EFNA5: variants seen among roughly 807,000 people sequenced by gnomAD.
The protein encoded by EFNA5 is ephrin-A5.
EFNA5 carries 5 observed loss-of-function variants against 22.9 expected under a neutral mutation model. That is an observed-to-expected ratio of 0.22 (90% CI 0.11 to 0.46). EFNA5 has a LOEUF of 0.46. Ranked by LOEUF, EFNA5 falls within the 20% of genes least tolerant of loss-of-function variation. The pLI, the probability that EFNA5 is intolerant of heterozygous loss-of-function variation, is 0.99. For missense variants in EFNA5, 237 were observed against 293.3 expected, an observed-to-expected ratio of 0.81 and a Z score of 1.40; for synonymous variants, 113 against 112.2, an observed-to-expected ratio of 1.01 and a Z score of -0.04.
intron 1 of EFNA5, among the ~76,000 whole-genome samples, chr5:107,496,336 C>CAAAAAAAAAAAAAAA (rs77916124): frequency 1.4e-4 from 11 of 79,818 alleles, no homozygotes; most frequent in East Asian, 4.5e-4. Context: ...AATTCCATCT[C>CAAAAAAAAAAAAAAA]AAAAAAAAAA....
chr5:107,426,950 G>A (rs867832125), intron 2 of EFNA5: 6 of 375,570 alleles, frequency 1.6e-5, no homozygotes, highest in Non-Finnish European at 2.9e-5. Flanking sequence ...AGAAGTCCTG[G>A]CAATTTTCAT....
At chr5:107,493,935 G>C (rs1423725289) in intron 1 of EFNA5, among the ~76,000 whole-genome samples, 1 of 152,326 alleles carries the variant, frequency 6.6e-6, no homozygotes, top group Admixed American at 6.5e-5. Flanking sequence ...TGTTAGTGTG[G>C]AGGCTGAAAC....
At chr5:107,466,258 T>C (rs574641983) in intron 1 of EFNA5, among the ~76,000 whole-genome samples, 2 of 152,236 alleles carry the variant, frequency 1.3e-5, no homozygotes, top group Non-Finnish European at 2.9e-5. Context: ...TCATAAGTCG[T>C]GTTAAGCCAT....
At chr5:107,503,279 C>T (rs1370359280) in intron 1 of EFNA5, among the ~76,000 whole-genome samples, 2 of 152,142 alleles carry the variant, frequency 1.3e-5, no homozygotes, top group Non-Finnish European at 2.9e-5. Context: ...CAAAATACTA[C>T]CTGATGTTTT....
At chr5:107,432,649 T>C (rs1748993037) in intron 1 of EFNA5, among the ~76,000 whole-genome samples, 1 of 152,208 alleles carries the variant, frequency 6.6e-6, no homozygotes, top group Non-Finnish European at 1.5e-5. Flanking sequence ...GTCAAACAAT[T>C]ACGGCCCTGC....
At position 107,381,149 on chromosome 5, in the gene EFNA5, T is replaced by A. The variant is rs965125771; in HGVS notation, c.*106A>T. On this transcript the variant is annotated 3_prime_UTR_variant, in exon 5 of 5. Coordinates refer to ENST00000333274, the MANE Select transcript of EFNA5 (RefSeq NM_001962.3). ...AGAAAGAAAACAAAAATCTGACATC[T>A]GCCAAAACCCAATAACAAGTCCCTT... 15 of 1,426,398 alleles carry A rather than the reference T, an allele frequency of 1.1e-5. No homozygotes were observed. Among genetic ancestry groups the A allele is most frequent in the Non-Finnish European group, 7.5e-6 (8 of 1,068,950 alleles). 88.4% of individuals were successfully genotyped at this position (1,426,398 alleles called of 1,614,324 possible). A position where few individuals can be genotyped will look rare whatever the true frequency, so the allele number is the denominator to read the frequency against.
chr5:107,529,846 G>C (rs982667580), intron 1 of EFNA5, among the ~76,000 whole-genome samples: 2 of 152,124 alleles, frequency 1.3e-5, no homozygotes, highest in African/African-American at 4.8e-5. Flanking sequence ...GGGAGCCTAG[G>C]CTAAGACAGC....
At chr5:107,564,639 T>TTG (rs1219519058) in intron 1 of EFNA5, among the ~76,000 whole-genome samples, 4 of 149,720 alleles carry the variant, frequency 2.7e-5, no homozygotes, top group African/African-American at 7.3e-5. Context: ...TTGTTTTTTT[T>TTG]TTTTTTTTTT....
chr5:107,556,366 T>C (rs1673982985), intron 1 of EFNA5, among the ~76,000 whole-genome samples: 1 of 152,194 alleles, frequency 6.6e-6, no homozygotes, highest in Admixed American at 6.5e-5. Flanking sequence ...CACAAGTTAT[T>C]TGGCAACAAA....
At chr5:107,532,508 C>A (rs1020283726) in intron 1 of EFNA5, among the ~76,000 whole-genome samples, 1 of 152,184 alleles carries the variant, frequency 6.6e-6, no homozygotes, top group Non-Finnish European at 1.5e-5. Context: ...TGAGTAGTGG[C>A]AAGACAGATG....
At chr5:107,477,401 G>A (rs1750340299) in intron 1 of EFNA5, among the ~76,000 whole-genome samples, 2 of 152,096 alleles carry the variant, frequency 1.3e-5, no homozygotes, top group African/African-American at 4.8e-5. Flanking sequence ...TACAAATCTA[G>A]AACCAAAGTC....
At chr5:107,428,279 C>T (rs73777847) in intron 1 of EFNA5, among the ~76,000 whole-genome samples, 4,061 of 152,190 alleles carry the variant, frequency 0.027, 187 homozygotes, top group African/African-American at 0.092. Flanking sequence ...ATGGCTCTTC[C>T]CCTCATTTCT....
At chr5:107,555,275 T>C (rs933703569) in intron 1 of EFNA5, among the ~76,000 whole-genome samples, 5 of 152,338 alleles carry the variant, frequency 3.3e-5, no homozygotes, top group Admixed American at 2.0e-4. Context: ...AACCCTGAGA[T>C]AGCCAGATAC....
At chr5:107,644,160 A>G (rs1750583158) in intron 1 of EFNA5, among the ~76,000 whole-genome samples, 1 of 152,126 alleles carries the variant, frequency 6.6e-6, no homozygotes, top group Non-Finnish European at 1.5e-5. Flanking sequence ...GTGGCGATAC[A>G]AGCTGAAAGA....
intron 1 of EFNA5, among the ~76,000 whole-genome samples, chr5:107,544,106 C>A (rs934071149): frequency 1.3e-5 from 2 of 152,074 alleles, no homozygotes; most frequent in Non-Finnish European, 2.9e-5. Context: ...TTGTTACTTG[C>A]GAATCGCCCC....
chr5:107,441,039 A>T (rs1280235822), intron 1 of EFNA5, among the ~76,000 whole-genome samples: 3 of 150,532 alleles, frequency 2.0e-5, no homozygotes, highest in Non-Finnish European at 4.4e-5. Context: ...TCAGTTCTAC[A>T]AATATAAAGT....
intron 1 of EFNA5, among the ~76,000 whole-genome samples, chr5:107,467,910 T>C (rs2112462624): frequency 6.6e-6 from 1 of 152,270 alleles, no homozygotes; most frequent in Admixed American, 6.5e-5. Flanking sequence ...CATGTGGACA[T>C]CAAAATCAGG....
chr5:107,489,643 T>C (rs146519344), intron 1 of EFNA5, among the ~76,000 whole-genome samples: 2 of 145,296 alleles, frequency 1.4e-5, no homozygotes, highest in African/African-American at 5.2e-5. Flanking sequence ...CATTTTGTGA[T>C]TGATTTGACC....
chr5:107,555,544 G>T (rs1245937205), intron 1 of EFNA5, among the ~76,000 whole-genome samples: 1 of 152,162 alleles, frequency 6.6e-6, no homozygotes, highest in Non-Finnish European at 1.5e-5. Flanking sequence ...ATCTGAAACT[G>T]AATGTTAAAC....
Sources: gnomAD v4.1 joint callset for allele counts (sites outside exome capture counted in the v4.1 genomes callset) on GRCh38, gnomAD v4.1.1 for gene constraint, MANE v1.5 for transcripts, NCBI Gene and HGNC (gene_info 2026-07-23, HGNC 2026-07-21) for gene names.